The following HORMAD1 variants were observed in gnomAD, a reference collection of about 807,000 sequenced individuals.
HORMAD1 encodes HORMA domain-containing protein 1.
HORMAD1 carries 33 observed loss-of-function variants against 58.2 expected under a neutral mutation model. That is an observed-to-expected ratio of 0.57 (90% CI 0.43 to 0.76). The LOEUF (loss-of-function observed/expected upper bound fraction) is 0.76, where lower values mean the gene tolerates loss of function less well. HORMAD1 is among the 30% of genes least tolerant of loss of function. The probability of loss-of-function intolerance (pLI) is 0.00; values close to 1 mark genes in which losing one functional copy is unlikely to be tolerated. For missense variants in HORMAD1, 363 were observed against 462.0 expected (o/e 0.79, Z 1.96); for synonymous variants, 137 against 144.6 (o/e 0.95, Z 0.38).
intron 4 of HORMAD1, 119 bp downstream of exon 4, chr1:150,714,496 T>C (rs1199394765): frequency 2.1e-6 from 1 of 465,328 alleles, no homozygotes; most frequent in Non-Finnish European, 3.8e-6. Context: ...ACAAAAATGC[T>C]ATCTAGCATT....
intron 3 of HORMAD1, among the ~76,000 whole-genome samples, chr1:150,716,763 A>G (rs1030187506): frequency 1.3e-5 from 2 of 151,044 alleles, no homozygotes; most frequent in Non-Finnish European, 3.0e-5. Context: ...GGAAATCGAG[A>G]CCATCCTGGC....
At chr1:150,710,061 C>A (rs587717321) in intron 7 of HORMAD1, among the ~76,000 whole-genome samples, 1 of 151,380 alleles carries the variant, frequency 6.6e-6, no homozygotes, top group African/African-American at 2.4e-5. Context: ...CAGAGACCGG[C>A]GCCGGTGCAG....
chr1:150,711,488 G>T (rs920294604), intron 7 of HORMAD1, 57 bp downstream of exon 7: 1 of 1,097,530 alleles, frequency 9.1e-7, no homozygotes. Context: ...ATTATGTTTC[G>T]TGTTATTTTT....
intron 7 of HORMAD1, among the ~76,000 whole-genome samples, chr1:150,711,025 G>A (rs1228254735): frequency 6.6e-6 from 1 of 152,118 alleles, no homozygotes; most frequent in Non-Finnish European, 1.5e-5. Flanking sequence ...ATGAGATAAT[G>A]CACATAAAGC....
At chr1:150,710,692 GAC>G (rs1329944764) in intron 7 of HORMAD1, among the ~76,000 whole-genome samples, 1 of 152,148 alleles carries the variant, frequency 6.6e-6, no homozygotes, top group African/African-American at 2.4e-5. Context: ...TCAAAGAAAA[GAC>G]ACATTCTCAG....
intron 2 of HORMAD1, among the ~76,000 whole-genome samples, chr1:150,718,828 T>G (rs1276775996): frequency 1.3e-5 from 2 of 152,194 alleles, no homozygotes; most frequent in Admixed American, 1.3e-4. Context: ...TGCTTATATA[T>G]TGAACATTCA....
chr1:150,717,638 T>C (rs957777995), intron 2 of HORMAD1, among the ~76,000 whole-genome samples: 6 of 152,084 alleles, frequency 3.9e-5, no homozygotes, highest in African/African-American at 1.4e-4. Context: ...AAGTATTTCA[T>C]TAAAAAAGTA....
In HORMAD1 at chr1:150,703,327, CT is replaced by C; in HGVS notation, c.1014del (p.Val339SerfsTer13). On this transcript the variant is annotated frameshift_variant, in exon 13 of 15. Coordinates refer to ENST00000361824, the MANE Select transcript of HORMAD1 (RefSeq NM_032132.5). LOFTEE classifies it high-confidence loss of function. ...ATATTTACCATTTTATTCTGAAAGA[CT>C]TTTCCACTTCTTGTTTTGCTTTCAG... ...DMSESKTRSG[K>X]VFQNKMANGN... 1 of 1,564,892 alleles carries C rather than the reference CT, an allele frequency of 6.4e-7. No homozygotes were observed. Among genetic ancestry groups the C allele is most frequent in the Non-Finnish European group, 8.8e-7 (1 of 1,142,716 alleles).
chr1:150,715,563 T>G (rs113061035), intron 3 of HORMAD1, among the ~76,000 whole-genome samples: 1 of 152,184 alleles, frequency 6.6e-6, no homozygotes, highest in South Asian at 2.1e-4. Flanking sequence ...TAAGTTATTA[T>G]TGTAGTATAA....
chr1:150,716,594 A>G (rs760602846), intron 3 of HORMAD1, among the ~76,000 whole-genome samples: 21 of 151,944 alleles, frequency 1.4e-4, no homozygotes, highest in Admixed American at 2.6e-4. Flanking sequence ...AGGGGTATGG[A>G]GTTTCTTCTT....
intron 2 of HORMAD1, among the ~76,000 whole-genome samples, chr1:150,717,903 A>G (rs768934700): frequency 3.3e-5 from 5 of 152,122 alleles, no homozygotes; most frequent in Non-Finnish European, 7.4e-5. Context: ...CCAAGATCGC[A>G]CCACTGCACT....
chr1:150,709,625 C>A (rs11204709), intron 7 of HORMAD1, among the ~76,000 whole-genome samples: 1 of 148,674 alleles, frequency 6.7e-6, no homozygotes. Flanking sequence ...GTCCCCCAGC[C>A]CGACACCCAT....
intron 12 of HORMAD1, among the ~76,000 whole-genome samples, chr1:150,703,686 G>A (rs1651602758): frequency 6.6e-6 from 1 of 152,170 alleles, no homozygotes; most frequent in Non-Finnish European, 1.5e-5. Flanking sequence ...GGGCTGGGCA[G>A]AGGAAGACAG....
chr1:150,704,537 G>A (rs1022289401), intron 10 of HORMAD1, among the ~76,000 whole-genome samples, 194 bp from the exon 11 acceptor site: 1 of 152,122 alleles, frequency 6.6e-6, no homozygotes, highest in African/African-American at 2.4e-5. Flanking sequence ...CTTGAGACTA[G>A]TAGTTCCAGA....
chr1:150,709,855 A>G (rs1406578993), intron 7 of HORMAD1, among the ~76,000 whole-genome samples: 2 of 152,178 alleles, frequency 1.3e-5, no homozygotes, highest in Non-Finnish European at 2.9e-5. Flanking sequence ...CTCCACTGAG[A>G]TGTTTGGGTG....
intron 3 of HORMAD1, among the ~76,000 whole-genome samples, 182 bp downstream of exon 3, chr1:150,716,954 CAA>C (rs61024265): frequency 3.2e-3 from 292 of 90,852 alleles, no homozygotes; most frequent in Middle Eastern, 0.011. Context: ...GACCCCGTCT[CAA>C]AAAAAAAAAA....
At chr1:150,718,977 C>CAAATATCTTCATTTCTTAAAA (rs1557801852) in intron 2 of HORMAD1, among the ~76,000 whole-genome samples, 1 of 26,858 alleles carries the variant, frequency 3.7e-5, no homozygotes, top group Admixed American at 3.9e-4. Flanking sequence ...TCAATTAATG[C>CAAATATCTTCATTTCTTAAAA]CGGGCGCGGT....
intron 7 of HORMAD1, among the ~76,000 whole-genome samples, chr1:150,711,117 C>T (rs1294638879): frequency 6.6e-6 from 1 of 152,174 alleles, no homozygotes; most frequent in Non-Finnish European, 1.5e-5. Flanking sequence ...TTCCCTTTCA[C>T]GTTCTCCCTT....
intron 9 of HORMAD1, among the ~76,000 whole-genome samples, chr1:150,707,671 C>G (rs1211006943): frequency 6.6e-6 from 1 of 152,216 alleles, no homozygotes; most frequent in Admixed American, 6.5e-5. Flanking sequence ...TGCTGTGGCT[C>G]ACGCCTGTTA....
Sources: gnomAD v4.1 joint callset for allele counts (sites outside exome capture counted in the v4.1 genomes callset) on GRCh38, gnomAD v4.1.1 for gene constraint, MANE v1.5 for transcripts, NCBI Gene and HGNC (gene_info 2026-07-23, HGNC 2026-07-21) for gene names.